The following PCDHGA9 variants were observed in gnomAD, a reference collection of about 807,000 sequenced individuals.
PCDHGA9 encodes the protein protocadherin gamma-A9.
PCDHGA9 carries 37 observed loss-of-function variants against 62.5 expected under a neutral mutation model. That is an observed-to-expected ratio of 0.59 (90% CI 0.46 to 0.78). PCDHGA9 has a LOEUF of 0.78. Ranked by LOEUF, PCDHGA9 falls within the 30% of genes least tolerant of loss-of-function variation. The pLI, the probability that PCDHGA9 is intolerant of heterozygous loss-of-function variation, is 0.00. For synonymous variants in PCDHGA9, 459 were observed against 484.6 expected (o/e 0.95, Z 0.69); for missense variants, 1,138 against 1,166.2 (o/e 0.98, Z 0.35).
rs1024041994 is a variant in PCDHGA9 at position 141,409,578 on chromosome 5, T to C, written c.2424+4202T>C. The C allele has an allele frequency of 3.1e-6, 5 of 1,613,824 alleles. No individual in the cohort carries two copies. In the Admixed American group the frequency reaches 6.7e-5, roughly 22 times the overall value. On this transcript the variant is annotated intron_variant, in intron 1 of 3. Coordinates refer to ENST00000573521, the MANE Select transcript of PCDHGA9 (RefSeq NM_018921.3). Reference sequence around the variant, plus strand: ...GTTTTCGACCAGACGTCCTACGTGGTCCACGTGGCCGAGAACAACCCGCCA... The same window carrying C: ...GTTTTCGACCAGACGTCCTACGTGGCCCACGTGGCCGAGAACAACCCGCCA...
chr5:141,502,785 A>G (rs576095718), intron 2 of PCDHGA9, among the ~76,000 whole-genome samples: 2 of 150,900 alleles, frequency 1.3e-5, no homozygotes, highest in East Asian at 3.9e-4. Context: ...AATTACCTGG[A>G]TGATTTCTTC....
rs1441332710 is a variant in PCDHGA9, at chr5:141,403,574, C to T, written c.622C>T (p.His208Tyr). 1 of 1,613,960 alleles carries T rather than the reference C, an allele frequency of 6.2e-7. No homozygotes were observed. The highest frequency in any genetic ancestry group is 8.5e-7 in the Non-Finnish European group (1 of 1,179,892). Residue 208 changes from histidine (H) to tyrosine (Y), a missense_variant, in exon 1 of 4, where the codon CAC becomes TAC. By Grantham distance (83) the His-to-Tyr change is moderately conservative (BLOSUM62 2). Coordinates refer to ENST00000573521, the MANE Select transcript of PCDHGA9 (RefSeq NM_018921.3). ...RALDREEATAHHLVLTASDGG... is the reference protein window; with the variant it reads ...RALDREEATAYHLVLTASDGG... ...CCTGGACAGGGAGGAGGCAACTGCC[C>T]ACCACCTGGTCCTCACGGCCTCGGA...
At position 141,423,166 on chromosome 5, in the gene PCDHGA9, G is replaced by A. The variant is rs367805855; in HGVS notation, c.2424+17790G>A. ...GCTCAAGCAGAGCCTCGTGGTGGCC[G>A]TCCAGGACCACGGCCAGCCCCCTCT... On this transcript the variant is annotated intron_variant, in intron 1 of 3. Transcript: ENST00000573521. 2.4e-5 allele frequency: 38 copies of A among 1,613,476 alleles called. No individual in the cohort carries two copies. The South Asian group carries it at 2.5e-4, about 11-fold the overall frequency.
At chr5:141,456,504 T>G (rs781368588) in intron 1 of PCDHGA9, among the ~76,000 whole-genome samples, 1 of 152,148 alleles carries the variant, frequency 6.6e-6, no homozygotes, top group Non-Finnish European at 1.5e-5. Context: ...GGTTAACCAA[T>G]TCCATAAAGA....
Position 141,476,209 on chromosome 5 carries a change from G to T in PCDHGA9, c.2425-18598G>T, listed in dbSNP as rs749576231. On this transcript the variant is annotated intron_variant, in intron 1 of 3. Coordinates refer to ENST00000573521, the MANE Select transcript of PCDHGA9 (RefSeq NM_018921.3). The surrounding 1 kb of genome is among the most constrained non-coding windows in gnomAD (Gnocchi z 7.6). ...TTGGTGCCTTGAACAAGGCTTCCAC[G>T]GTCATTCACTATGAGATCCCGGAGG... The T allele has an allele frequency of 6.2e-6, 10 of 1,613,974 alleles. No individual in the cohort carries two copies. Among genetic ancestry groups the T allele is most frequent in the Non-Finnish European group, 8.5e-6 (10 of 1,180,026 alleles).
At chr5:141,417,345 A>G (rs937116752) in intron 1 of PCDHGA9, 3 of 153,022 alleles carry the variant, frequency 2.0e-5, no homozygotes, top group African/African-American at 7.2e-5. Flanking sequence ...GAGACCTATA[A>G]ACCTTCATGC....
intron 1 of PCDHGA9, among the ~76,000 whole-genome samples, chr5:141,457,873 G>C (rs967389295): frequency 2.0e-5 from 3 of 152,200 alleles, no homozygotes; most frequent in Non-Finnish European, 4.4e-5. Context: ...CCACAGGTTA[G>C]GAACCCTGTG....
chr5:141,419,872 A>G (rs1354880437), intron 1 of PCDHGA9: 1 of 1,614,094 alleles, frequency 6.2e-7, no homozygotes, highest in Admixed American at 1.7e-5. Flanking sequence ...TGCAAGAGGT[A>G]CTGCCGGATT....
intron 1 of PCDHGA9, chr5:141,418,120 G>A: frequency 6.2e-7 from 1 of 1,614,084 alleles, no homozygotes; most frequent in Non-Finnish European, 8.5e-7. Context: ...TACTTGTGAA[G>A]GACCGAATAG....
At chr5:141,433,034 C>T in intron 1 of PCDHGA9, 1 of 1,614,184 alleles carries the variant, frequency 6.2e-7, no homozygotes. Flanking sequence ...CGAGGTTTCC[C>T]TCACCACGGA....
chr5:141,481,026 C>T (rs1315533254), intron 1 of PCDHGA9, among the ~76,000 whole-genome samples: 1 of 152,100 alleles, frequency 6.6e-6, no homozygotes, highest in African/African-American at 2.4e-5. Flanking sequence ...CCACTGCACT[C>T]CAGCCTGGGC....
intron 1 of PCDHGA9, among the ~76,000 whole-genome samples, chr5:141,467,404 C>T (rs1032912609): frequency 1.3e-5 from 2 of 151,864 alleles, no homozygotes; most frequent in African/African-American, 4.8e-5. Context: ...AGTTAGAAAG[C>T]CTTTCCCCAC....
chr5:141,423,554 A>G (rs1383467583), intron 1 of PCDHGA9: 8 of 1,613,590 alleles, frequency 5.0e-6, no homozygotes, highest in East Asian at 4.5e-5. Flanking sequence ...CAGCCCAACT[A>G]TGGGGACACG....
intron 1 of PCDHGA9, chr5:141,430,598 T>G: frequency 1.7e-6 from 1 of 598,568 alleles, no homozygotes; most frequent in Non-Finnish European, 2.6e-6. Context: ...TGCACGCGCC[T>G]GAAGCACAAA....
chr5:141,508,731 A>C (rs1596169554), intron 3 of PCDHGA9, among the ~76,000 whole-genome samples: 6 of 145,538 alleles, frequency 4.1e-5, no homozygotes, highest in African/African-American at 5.1e-5. Context: ...GGGAGACTAC[A>C]CCCCCCACCC....
In PCDHGA9 at chr5:141,477,629, C is replaced by A. The variant is rs1191573380; in HGVS notation, c.2425-17178C>A. The A allele has an allele frequency of 6.2e-7, 1 of 1,614,040 alleles. No individual in the cohort carries two copies. The highest frequency in any genetic ancestry group is 8.5e-7 in the Non-Finnish European group (1 of 1,180,040). ...CTTGGAGCAAGGAGCTGAAACCGGGCTAGTGGGTCGCTATTTCACAATAAA... is the reference window on the plus strand; with the variant it reads ...CTTGGAGCAAGGAGCTGAAACCGGGATAGTGGGTCGCTATTTCACAATAAA... On this transcript the variant is annotated intron_variant, in intron 1 of 3. Coordinates refer to ENST00000573521, the MANE Select transcript of PCDHGA9 (RefSeq NM_018921.3). The surrounding 1 kb of genome is among the most constrained non-coding windows in gnomAD (Gnocchi z 4.9).
At chr5:141,433,693 C>T (rs772152724) in intron 1 of PCDHGA9, among the ~76,000 whole-genome samples, 2 of 151,986 alleles carry the variant, frequency 1.3e-5, no homozygotes, top group Admixed American at 6.6e-5. Flanking sequence ...CAAAATTAGC[C>T]GGGCGTGGTG....
intron 2 of PCDHGA9, among the ~76,000 whole-genome samples, chr5:141,502,564 C>T (rs2099815067): frequency 1.3e-5 from 2 of 151,774 alleles, no homozygotes; most frequent in East Asian, 1.9e-4. Context: ...CCAGATCTCT[C>T]CATTATAAAA....
chr5:141,421,960 CA>C, intron 1 of PCDHGA9: 1 of 1,612,526 alleles, frequency 6.2e-7, no homozygotes, highest in Admixed American at 1.7e-5. Flanking sequence ...AATGTTTACA[CA>C]GTCCGTATAT....
Sources: gnomAD v4.1 joint callset for allele counts (sites outside exome capture counted in the v4.1 genomes callset) on GRCh38, gnomAD v4.1.1 for gene constraint, Gnocchi (gnomAD v3.1) non-coding constraint, MANE v1.5 for transcripts, NCBI Gene and HGNC (gene_info 2026-07-23, HGNC 2026-07-21) for gene names.